ERI3: variants seen among roughly 807,000 people sequenced by gnomAD.
ERI3 encodes the protein ERI1 exoribonuclease 3.
In ERI3, 18 loss-of-function variants were observed where a neutral mutation model predicts 44.4. The ratio of observed to expected loss-of-function variants is 0.41; its 90% CI spans 0.28 to 0.60. ERI3 has a LOEUF of 0.60. Among genes scored for constraint, ERI3 ranks in the 20% least tolerant of loss-of-function variants. ERI3 has a pLI of 0.36. For synonymous variants in ERI3, 183 were observed against 164.8 expected, an observed-to-expected ratio of 1.11 and a Z score of -0.84; for missense variants, 294 against 435.5, an observed-to-expected ratio of 0.68 and a Z score of 2.89.
At chr1:44,273,833 G>A (rs1025871935) in intron 7 of ERI3, among the ~76,000 whole-genome samples, 2 of 152,178 alleles carry the variant, frequency 1.3e-5, no homozygotes, top group Non-Finnish European at 2.9e-5. Context: ...GTAAGAAAAG[G>A]GAACAGTATA....
intron 2 of ERI3, among the ~76,000 whole-genome samples, chr1:44,341,103 T>C (rs1257239374): frequency 6.6e-6 from 1 of 152,222 alleles, no homozygotes. Flanking sequence ...GCGTAGTATA[T>C]ACAGTCAGTC....
intron 3 of ERI3, among the ~76,000 whole-genome samples, chr1:44,332,624 A>G (rs1479082752): frequency 2.0e-5 from 3 of 152,264 alleles, no homozygotes; most frequent in Admixed American, 2.0e-4. Context: ...CCCGAGATGT[A>G]TATTTTGCTT....
At chr1:44,227,244 T>C (rs370345702) in intron 8 of ERI3, among the ~76,000 whole-genome samples, 122 of 152,304 alleles carry the variant, frequency 8.0e-4, no homozygotes, top group African/African-American at 2.8e-3. Context: ...ACTTTATTAC[T>C]GATCTTCAGG....
chr1:44,255,946 C>G (rs1644770681), intron 7 of ERI3, among the ~76,000 whole-genome samples: 1 of 152,144 alleles, frequency 6.6e-6, no homozygotes, highest in African/African-American at 2.4e-5. Flanking sequence ...TTTCAACATT[C>G]AATTCAAAAA....
At chr1:44,337,758 C>T (rs1646563851) in intron 3 of ERI3, among the ~76,000 whole-genome samples, 3 of 152,074 alleles carry the variant, frequency 2.0e-5, no homozygotes, top group Admixed American at 6.5e-5. Context: ...AAGACAGATC[C>T]CTTCCTGAAA....
At chr1:44,289,358 A>G (rs1000301644) in intron 6 of ERI3, among the ~76,000 whole-genome samples, 1 of 152,174 alleles carries the variant, frequency 6.6e-6, no homozygotes, top group Non-Finnish European at 1.5e-5. Flanking sequence ...GGCATTTATC[A>G]TATGATCCTG....
intron 4 of ERI3, among the ~76,000 whole-genome samples, chr1:44,314,154 G>GC (rs1553195908): frequency 2.7e-5 from 1 of 36,484 alleles, no homozygotes; most frequent in African/African-American, 6.8e-5. Context: ...AAAGTGTGTT[G>GC]GGGGGGGGGA....
At chr1:44,248,827 G>A (rs558613085) in intron 7 of ERI3, among the ~76,000 whole-genome samples, 1 of 152,104 alleles carries the variant, frequency 6.6e-6, no homozygotes, top group South Asian at 2.1e-4. Context: ...CTGGGGTTGG[G>A]GAAGGAAGTG....
In ERI3 at chr1:44,221,759, G is replaced by A; in HGVS notation, c.932-119C>T. On this transcript the variant is annotated intron_variant, in intron 8 of 8. Coordinates refer to ENST00000372257, the MANE Select transcript of ERI3 (RefSeq NM_024066.3). This position sits in a 1 kb window ranked among gnomAD's most constrained non-coding sequence, Gnocchi z 5.9. ...AGATTCAGGAGACACAGGCTTTAGA[G>A]AGGGTGGTCCCATCCCCTGGTGGCA... 1.3e-6 allele frequency: 1 copy of A among 790,088 alleles called. No homozygotes were observed. Among genetic ancestry groups the A allele is most frequent in the Non-Finnish European group, 2.1e-6 (1 of 468,150 alleles). 48.9% of individuals were successfully genotyped at this position (790,088 alleles called of 1,614,324 possible). A position where few individuals can be genotyped will look rare whatever the true frequency, so the allele number is the denominator to read the frequency against.
intron 2 of ERI3, among the ~76,000 whole-genome samples, chr1:44,352,407 TAGA>T (rs1269416937): frequency 0.011 from 2 of 174 alleles, no homozygotes; most frequent in Non-Finnish European, 0.062. Flanking sequence ...CAAGGTCTCA[TAGA>T]TAGATAGATA....
intron 7 of ERI3, among the ~76,000 whole-genome samples, chr1:44,260,070 G>A (rs1644863763): frequency 6.6e-6 from 1 of 152,134 alleles, no homozygotes; most frequent in Non-Finnish European, 1.5e-5. Flanking sequence ...GAGGAAGAAA[G>A]TACACAAGCA....
At chr1:44,277,022 A>G (rs566308904) in intron 7 of ERI3, among the ~76,000 whole-genome samples, 2 of 152,318 alleles carry the variant, frequency 1.3e-5, no homozygotes, top group South Asian at 4.1e-4. Flanking sequence ...CAGCTCACAC[A>G]TCTATTCTTT....
chr1:44,285,678 A>G (rs1323552862), intron 6 of ERI3, among the ~76,000 whole-genome samples: 1 of 152,238 alleles, frequency 6.6e-6, no homozygotes, highest in Non-Finnish European at 1.5e-5. Context: ...AACAAGGGTC[A>G]GGAACTTACG....
intron 7 of ERI3, among the ~76,000 whole-genome samples, chr1:44,251,655 G>GTA (rs753798823): frequency 4.6e-5 from 7 of 152,314 alleles, no homozygotes; most frequent in Non-Finnish European, 1.0e-4. Context: ...TGGCAGGGGA[G>GTA]TACAACATTC....
At chr1:44,222,721 C>A (rs371409024) in intron 8 of ERI3, among the ~76,000 whole-genome samples, 3 of 152,358 alleles carry the variant, frequency 2.0e-5, no homozygotes, top group African/African-American at 7.2e-5. Context: ...AACTCATTAT[C>A]CCCTCACCTG....
chr1:44,314,046 T>C (rs553942126), intron 4 of ERI3, among the ~76,000 whole-genome samples: 1 of 151,640 alleles, frequency 6.6e-6, no homozygotes, highest in South Asian at 2.1e-4. Context: ...GAGGCCCCCA[T>C]GTCCTGGACA....
chr1:44,278,225 C>T (rs1645217649), intron 7 of ERI3, among the ~76,000 whole-genome samples: 1 of 152,114 alleles, frequency 6.6e-6, no homozygotes, highest in Non-Finnish European at 1.5e-5. Context: ...CACCTGTAAT[C>T]CCAACACTTT....
intron 8 of ERI3, among the ~76,000 whole-genome samples, chr1:44,229,037 C>T (rs1644115216): frequency 6.6e-6 from 1 of 152,200 alleles, no homozygotes; most frequent in Admixed American, 6.5e-5. Context: ...CCAGCCACTG[C>T]AGAGGAAGCT....
chr1:44,312,434 C>T (rs576419617), intron 5 of ERI3, among the ~76,000 whole-genome samples: 65 of 151,992 alleles, frequency 4.3e-4, no homozygotes, highest in Non-Finnish European at 9.0e-4. Context: ...GGGTGGGAGA[C>T]AAGCTAAGAC....
Sources: allele counts gnomAD v4.1 joint callset (sites outside exome capture counted in the v4.1 genomes callset), GRCh38; gene constraint gnomAD v4.1.1; non-coding constraint Gnocchi (gnomAD v3.1); transcripts MANE v1.5; gene names NCBI Gene and HGNC (gene_info 2026-07-23, HGNC 2026-07-21).